Variants in ZNF383 observed in about 807,000 individuals in gnomAD.
The protein encoded by ZNF383 is zinc finger protein 383.
Under a neutral mutation model 44.2 loss-of-function variants are expected in ZNF383, and 32 were observed. The observed-to-expected ratio is 0.72, with a 90% confidence interval of 0.55 to 0.97. ZNF383 has a LOEUF of 0.97. ZNF383 is among the 50% of genes least tolerant of loss of function. The probability of loss-of-function intolerance (pLI) is 0.00; values close to 1 mark genes in which losing one functional copy is unlikely to be tolerated. For missense variants in ZNF383, 487 were observed against 562.5 expected, an observed-to-expected ratio of 0.87 and a Z score of 1.36; for synonymous variants, 155 against 186.2, an observed-to-expected ratio of 0.83 and a Z score of 1.36.
intron 2 of ZNF383, among the ~76,000 whole-genome samples, chr19:37,227,271 C>T (rs1446544267): frequency 2.0e-5 from 3 of 151,974 alleles, no homozygotes; most frequent in African/African-American, 4.8e-5. Context: ...TGTACCACCA[C>T]GCCCGGCTAA....
intron 3 of ZNF383, among the ~76,000 whole-genome samples, chr19:37,230,921 A>G (rs1425526368): frequency 6.6e-6 from 1 of 152,200 alleles, no homozygotes; most frequent in Admixed American, 6.5e-5. Flanking sequence ...GGATTGTTGC[A>G]AGATCTGGTT....
chr19:37,225,569 C>T (rs1238077338), intron 2 of ZNF383, among the ~76,000 whole-genome samples: 2 of 152,058 alleles, frequency 1.3e-5, no homozygotes, highest in Non-Finnish European at 2.9e-5. Flanking sequence ...AGTTTGACTA[C>T]CTTAGATACC....
intron 3 of ZNF383, among the ~76,000 whole-genome samples, chr19:37,234,276 T>C (rs1389525153): frequency 6.6e-6 from 1 of 152,236 alleles, no homozygotes; most frequent in Non-Finnish European, 1.5e-5. Flanking sequence ...TCCCCCAAAA[T>C]GTGCCTCATC....
chr19:37,222,150 C>T (rs1029519866), intron 1 of ZNF383, among the ~76,000 whole-genome samples: 8 of 151,682 alleles, frequency 5.3e-5, no homozygotes, highest in African/African-American at 1.5e-4. Flanking sequence ...TTTTGCTTGG[C>T]TTCTTTTTTT....
In ZNF383 at chr19:37,243,645, G is replaced by A. The variant is rs780093993; in HGVS notation, c.1409G>A (p.Gly470Glu). 1.9e-5 allele frequency: 30 copies of A among 1,538,718 alleles called. No individual in the cohort carries two copies. Among genetic ancestry groups the A allele is most frequent in the Middle Eastern group, 1.7e-4 (1 of 5,736 alleles). Reference protein sequence around the residue: ...SSGSDLIRHQGIHTNK With the variant: ...SSGSDLIRHQEIHTNK ...GGCTCGGATCTCATTCGTCATCAGGGAATTCATACTAATAAATAATAAAAA... is the reference window on the plus strand; with the variant it reads ...GGCTCGGATCTCATTCGTCATCAGGAAATTCATACTAATAAATAATAAAAA... The change falls in exon 6 of 6, where the codon GGA becomes GAA. Residue 470 changes from glycine (G) to glutamate (E), a missense_variant. Physicochemically the swap from Gly to Glu is moderately conservative, Grantham distance 98. Transcript: ENST00000684119.
In ZNF383 at chr19:37,236,055, T is replaced by C. The variant is rs750633465; in HGVS notation, c.213T>C (p.Leu71=). 1 of 1,613,600 alleles carries C rather than the reference T, an allele frequency of 6.2e-7. No homozygotes were observed. The highest frequency in any genetic ancestry group is 1.1e-5 in the South Asian group (1 of 91,052). The change falls in exon 5 of 6, where the codon CTT becomes CTC. Residue 71 remains leucine (L), a synonymous_variant. Coordinates refer to ENST00000684119, the MANE Select transcript of ZNF383 (RefSeq NM_001387601.1). ...AGCCCTGGATGGTTGGCAGAGAGCT[T>C]ACAAGAGGCCTGTGTTCAGGTAAGT... ...GKEPWMVGRE[L]TRGLCSDLES...
intron 5 of ZNF383, among the ~76,000 whole-genome samples, chr19:37,240,074 G>A (rs376584945): frequency 2.0e-5 from 3 of 151,658 alleles, no homozygotes; most frequent in Non-Finnish European, 2.9e-5. Context: ...CAGGGGAATC[G>A]CTTGAACCCT....
At chr19:37,226,184 G>T (rs1358437344) in intron 2 of ZNF383, among the ~76,000 whole-genome samples, 1 of 152,002 alleles carries the variant, frequency 6.6e-6, no homozygotes, top group Non-Finnish European at 1.5e-5. Context: ...TTGTTTATTT[G>T]TTTTAATATG....
At chr19:37,228,546 A>G (rs115003834) in intron 2 of ZNF383, among the ~76,000 whole-genome samples, 3,729 of 152,142 alleles carry the variant, frequency 0.025, 175 homozygotes, top group African/African-American at 0.084. Context: ...CGCCCAGAGT[A>G]TGCAATAAGC....
At position 37,241,705 on chromosome 19, in the gene ZNF383, C is replaced by A. The variant is rs144116504; in HGVS notation, c.233-764C>A. 1.4e-3 allele frequency among the ~76,000 whole-genome samples: 213 copies of A among 152,160 alleles called. 3 individuals are homozygous for A. Among genetic ancestry groups the A allele is most frequent in the African/African-American group, 5.0e-3 (208 of 41,512 alleles). On this transcript the variant is annotated intron_variant, in intron 5 of 5. Transcript: ENST00000684119. ...ACCCTGAAGCTTTCTAAGGTCCTAC[C>A]ATGAATTACCTTATTAGCATAACAA...
Position 37,246,855 on chromosome 19 carries a change from C to T in ZNF383, c.*3191C>T, listed in dbSNP as rs954186056. The T allele has an allele frequency of 6.6e-6, 1 of 151,998 alleles. No homozygotes were observed. Among genetic ancestry groups the T allele is most frequent in the Non-Finnish European group, 1.5e-5 (1 of 68,012 alleles). 9.4% of individuals were successfully genotyped at this position (151,998 alleles called of 1,614,324 possible). A position where few individuals can be genotyped will look rare whatever the true frequency, so the allele number is the denominator to read the frequency against. On this transcript the variant is annotated 3_prime_UTR_variant, in exon 6 of 6. Coordinates refer to ENST00000684119, the MANE Select transcript of ZNF383 (RefSeq NM_001387601.1). The stretch of plus-strand genomic sequence containing the variant: ...AAAATATGATGAGTAGTAGAAAGCA[C>T]AGCTGTCAAAAAAGCAGGAAGAGAT...
intron 1 of ZNF383, chr19:37,218,477 T>G (rs1254472551): frequency 6.5e-6 from 1 of 152,976 alleles, no homozygotes; most frequent in East Asian, 1.9e-4. Flanking sequence ...ATATCCTCGT[T>G]GTAGTTGTGT....
chr19:37,219,755 T>C (rs1257633869), intron 1 of ZNF383: 3 of 152,206 alleles, frequency 2.0e-5, no homozygotes, highest in Non-Finnish European at 4.4e-5. Context: ...ACAAGGTGCA[T>C]TGGGTTTCCT....
Position 37,245,171 on chromosome 19 carries a change from A to T in ZNF383, c.*1507A>T, listed in dbSNP as rs1199953919. On this transcript the variant is annotated 3_prime_UTR_variant, in exon 6 of 6. Transcript: ENST00000684119. ...GTACCTGTAATCCCAGCTACTCGGG[A>T]GGCTGAGACAGGAGAATTGCTTGAA... The T allele has an allele frequency of 6.6e-6, 1 of 152,116 alleles. No homozygotes were observed. The highest frequency in any genetic ancestry group is 1.9e-4 in the East Asian group (1 of 5,132). 9.4% of individuals were successfully genotyped at this position (152,116 alleles called of 1,614,324 possible).
At chr19:37,226,279 G>A (rs1031279561) in intron 2 of ZNF383, among the ~76,000 whole-genome samples, 5 of 152,112 alleles carry the variant, frequency 3.3e-5, no homozygotes, top group East Asian at 3.9e-4. Flanking sequence ...TCCCCCACAC[G>A]TATGGTCTCC....
chr19:37,234,162 C>T (rs1973651641), intron 3 of ZNF383, among the ~76,000 whole-genome samples: 2 of 152,158 alleles, frequency 1.3e-5, no homozygotes, highest in South Asian at 4.1e-4. Context: ...CCACGCACGG[C>T]CCACATCTAT....
At chr19:37,242,059 C>CTTA (rs1974126382) in intron 5 of ZNF383, among the ~76,000 whole-genome samples, 1 of 998 alleles carries the variant, frequency 1.0e-3, no homozygotes, top group Non-Finnish European at 1.6e-3. Flanking sequence ...ACTATATATA[C>CTTA]TATATAGATA....
chr19:37,247,260 T>C lies in ZNF383; in HGVS notation c.*3596T>C, dbSNP rs755190950. ...GCAGAAATAATTGAAAGAAAAAAAC[T>C]GGATCTGAATCCAAAATTGATATTT... On this transcript the variant is annotated 3_prime_UTR_variant, in exon 6 of 6. Transcript: ENST00000684119. 4 of 151,960 alleles carry C rather than the reference T, an allele frequency of 2.6e-5. No individual in the cohort carries two copies. Among genetic ancestry groups the C allele is most frequent in the Non-Finnish European group, 4.4e-5 (3 of 68,008 alleles). 9.4% of individuals were successfully genotyped at this position (151,960 alleles called of 1,614,324 possible).
intron 5 of ZNF383, among the ~76,000 whole-genome samples, chr19:37,241,237 G>C (rs972753903): frequency 6.6e-6 from 1 of 152,170 alleles, no homozygotes; most frequent in Non-Finnish European, 1.5e-5. Flanking sequence ...CCATAGTACT[G>C]TCCTCACCTC....
Sources: allele counts gnomAD v4.1 joint callset (sites outside exome capture counted in the v4.1 genomes callset), GRCh38; gene constraint gnomAD v4.1.1; transcripts MANE v1.5; gene names NCBI Gene and HGNC (gene_info 2026-07-23, HGNC 2026-07-21).